The following TENM3 variants were observed in gnomAD, a reference collection of about 807,000 sequenced individuals.
TENM3 encodes the protein teneurin-3.
TENM3 carries 63 observed loss-of-function variants against 255.1 expected under a neutral mutation model. That is an observed-to-expected ratio of 0.25 (90% CI 0.20 to 0.30). The LOEUF is 0.30. Ranked by LOEUF, TENM3 falls within the 10% of genes least tolerant of loss-of-function variation. TENM3 has a pLI of 1.00. For synonymous variants in TENM3, 1,306 were observed against 1,322.3 expected (o/e 0.99, Z 0.27); for missense variants, 2,929 against 3,461.1 (o/e 0.85, Z 3.86).
the TENM3 span, among the ~76,000 whole-genome samples, chr4:181,687,104 C>A: frequency 6.6e-6 from 1 of 151,990 alleles, no homozygotes; most frequent in Non-Finnish European, 1.5e-5. Flanking sequence ...CCCTTTGATG[C>A]CAAATTAGTA....
At chr4:182,538,003 C>A (rs1740506677) in intron 3 of TENM3, among the ~76,000 whole-genome samples, 1 of 152,120 alleles carries the variant, frequency 6.6e-6, no homozygotes, top group Non-Finnish European at 1.5e-5. Flanking sequence ...AAGCACTTAC[C>A]ATTTGCTTTT....
the TENM3 span, among the ~76,000 whole-genome samples, chr4:181,791,340 C>A: frequency 3.9e-5 from 6 of 152,108 alleles, no homozygotes; most frequent in Admixed American, 1.3e-4. Flanking sequence ...GACTTTAAAT[C>A]ATGTTTGAAG....
At chr4:182,302,222 A>G (rs943682796) in intron 1 of TENM3, among the ~76,000 whole-genome samples, 3 of 152,010 alleles carry the variant, frequency 2.0e-5, no homozygotes, top group African/African-American at 7.3e-5. Context: ...TTCACGCCCC[A>G]CCCCACCTGT....
At chr4:181,544,264 A>G in the TENM3 span, among the ~76,000 whole-genome samples, 1 of 151,986 alleles carries the variant, frequency 6.6e-6, no homozygotes, top group Non-Finnish European at 1.5e-5. Flanking sequence ...AACTCTTGCA[A>G]GAGTGTTTCA....
chr4:182,018,501 TTCTAATCTCAA>T, the TENM3 span, among the ~76,000 whole-genome samples: 1 of 152,182 alleles, frequency 6.6e-6, no homozygotes, highest in Non-Finnish European at 1.5e-5. Flanking sequence ...AAAACCAGCA[TTCTAATCTCAA>T]ACTCTGACAT....
chr4:182,627,917 G>A (rs561158669), intron 4 of TENM3, among the ~76,000 whole-genome samples: 15 of 151,764 alleles, frequency 9.9e-5, no homozygotes, highest in African/African-American at 1.7e-4. Context: ...GAATGTTTCC[G>A]TATTTGATCC....
chr4:181,799,791 T>C, the TENM3 span, among the ~76,000 whole-genome samples: 1 of 152,336 alleles, frequency 6.6e-6, no homozygotes, highest in African/African-American at 2.4e-5. Context: ...AAAGCTCTAG[T>C]GCGGCATCTT....
chr4:182,031,655 T>G, the TENM3 span, among the ~76,000 whole-genome samples: 1 of 152,206 alleles, frequency 6.6e-6, no homozygotes, highest in African/African-American at 2.4e-5. Flanking sequence ...TGTGGCCATT[T>G]TCATGATGTT....
chr4:182,078,985 G>A, the TENM3 span, among the ~76,000 whole-genome samples: 1 of 152,158 alleles, frequency 6.6e-6, no homozygotes, highest in Non-Finnish European at 1.5e-5. Context: ...TGAATCTGAA[G>A]ATTGCAGCTA....
chr4:181,729,834 G>A, the TENM3 span, among the ~76,000 whole-genome samples: 1 of 152,162 alleles, frequency 6.6e-6, no homozygotes, highest in African/African-American at 2.4e-5. Context: ...CCAAGTCCAA[G>A]GACAGATGAC....
Position 182,232,148 on chromosome 4 carries a change from A to G in TENM3, c.-76+87394A>G, listed in dbSNP as rs1868643. 6.6e-3 allele frequency among the ~76,000 whole-genome samples: 1,005 copies of G among 152,170 alleles called. 6 individuals carry two copies. The highest frequency in any genetic ancestry group is 0.023 in the African/African-American group (954 of 41,498). ...GTTGGTAGCGTATATACAAATGTCT[A>G]TTCCGGGAACTGGCGTCTTCACTCC... On this transcript the variant is annotated intron_variant, in intron 1 of 2. Coordinates refer to the TENM3 transcript ENST00000512480.
intron 1 of TENM3, among the ~76,000 whole-genome samples, chr4:182,207,217 G>C (rs1754642796): frequency 6.6e-6 from 1 of 152,182 alleles, no homozygotes; most frequent in African/African-American, 2.4e-5. Flanking sequence ...CGTGGAATCT[G>C]AATCTTTGAC....
intron 3 of TENM3, among the ~76,000 whole-genome samples, chr4:182,448,789 T>C (rs1323156598): frequency 6.7e-6 from 1 of 149,628 alleles, no homozygotes; most frequent in Non-Finnish European, 1.5e-5. Flanking sequence ...CCGGCCCGCG[T>C]GTGTGGAGCG....
At chr4:181,884,417 A>G in the TENM3 span, among the ~76,000 whole-genome samples, 8 of 152,198 alleles carry the variant, frequency 5.3e-5, no homozygotes, top group Middle Eastern at 6.8e-3. Flanking sequence ...TAACATTTTC[A>G]TCATCCCAGA....
At chr4:181,641,707 A>ATTATATATTATATATTATATG in the TENM3 span, among the ~76,000 whole-genome samples, 4 of 122,148 alleles carry the variant, frequency 3.3e-5, no homozygotes, top group Non-Finnish European at 6.6e-5. Context: ...TAATATATAT[A>ATTATATATTATATATTATATG]TTATATATTA....
chr4:182,753,877 G>A (rs1448958160), intron 21 of TENM3, among the ~76,000 whole-genome samples: 1 of 152,182 alleles, frequency 6.6e-6, no homozygotes, highest in Non-Finnish European at 1.5e-5. Flanking sequence ...GAGCATGCAG[G>A]TATTCTAAAA....
chr4:182,127,155 CCA>C, the TENM3 span, among the ~76,000 whole-genome samples: 8 of 117,650 alleles, frequency 6.8e-5, no homozygotes, highest in African/African-American at 1.4e-4. Context: ...AAGTATTTAT[CCA>C]CATGAGCTGC....
chr4:182,240,537 T>C (rs541965642), upstream of TENM3, among the ~76,000 whole-genome samples: 1 of 152,296 alleles, frequency 6.6e-6, no homozygotes, highest in African/African-American at 2.4e-5. Flanking sequence ...ATGTAGACCA[T>C]GTGTCATCAG....
At chr4:181,654,625 G>T in the TENM3 span, among the ~76,000 whole-genome samples, 6 of 151,856 alleles carry the variant, frequency 4.0e-5, no homozygotes, top group African/African-American at 1.5e-4. Flanking sequence ...ATGGTGGCGG[G>T]TGCCTGTAAT....
Sources: gnomAD v4.1 joint callset for allele counts (sites outside exome capture counted in the v4.1 genomes callset) on GRCh38, gnomAD v4.1.1 for gene constraint, MANE v1.5 for transcripts, NCBI Gene and HGNC (gene_info 2026-07-23, HGNC 2026-07-21) for gene names.